ABI3BP: variants seen among roughly 807,000 people sequenced by gnomAD.
The protein encoded by ABI3BP is target of Nesh-SH3.
Under a neutral mutation model 268.6 loss-of-function variants are expected in ABI3BP, and 216 were observed. The ratio of observed to expected loss-of-function variants is 0.80; its 90% confidence interval spans 0.72 to 0.90. The LOEUF (loss-of-function observed/expected upper bound fraction) is 0.90, where lower values mean the gene tolerates loss of function less well. ABI3BP is among the 40% of genes least tolerant of loss of function. The pLI is 0.00. For missense variants in ABI3BP, 2,090 were observed against 2,182.4 expected (o/e 0.96, Z 0.84); for synonymous variants, 730 against 730.0 (o/e 1.00, Z 0.00).
intron 28 of ABI3BP, 82 bp from the exon 29 acceptor site, chr3:100,834,855 A>G: frequency 7.8e-7 from 1 of 1,287,286 alleles, no homozygotes; most frequent in Non-Finnish European, 1.1e-6. Flanking sequence ...GGTTTTCTAA[A>G]GTTTTCCTAA....
At position 100,831,084 on chromosome 3, in the gene ABI3BP, C is replaced by T. The variant is rs181968798; in HGVS notation, c.2402-450G>A. ...AAGCAAACACAGTGTAGCAGAGAGC[C>T]CCTATGGTGATCCCCAGTGGTTTCT... On this transcript the variant is annotated intron_variant, in intron 31 of 67. Transcript: ENST00000471714. Among the ~76,000 whole-genome samples the T allele has an allele frequency of 6.9e-3, 1,053 of 152,246 alleles. 5 individuals carry two copies. The highest frequency in any genetic ancestry group is 0.011 in the Non-Finnish European group (775 of 68,026).
At chr3:100,765,106 G>GA (rs33912702) in intron 63 of ABI3BP, among the ~76,000 whole-genome samples, 48,073 of 143,578 alleles carry the variant, frequency 0.33, 8,174 homozygotes, top group African/African-American at 0.39. Flanking sequence ...TGAACATTAT[G>GA]AAAAAAAAAA....
chr3:100,805,565 T>C (rs1394853480), intron 50 of ABI3BP, among the ~76,000 whole-genome samples: 12 of 152,076 alleles, frequency 7.9e-5, no homozygotes, highest in African/African-American at 2.9e-4. Context: ...AGTCTCACCA[T>C]AATGTTGGGA....
chr3:100,894,970 G>GA lies in ABI3BP; in HGVS notation c.461+3791dup, dbSNP rs567268534. On this transcript the variant is annotated intron_variant, in intron 4 of 67. Transcript: ENST00000471714. ...AAAAAAAAAAAAAAAAAAAAAAACA[G>GA]AAAAAAAAAACACAAGATGAGAATG... is the stretch of plus-strand genomic sequence containing the variant. Among the ~76,000 whole-genome samples the GA allele has an allele frequency of 5.3e-3, 307 of 58,422 alleles. 3 individuals carry two copies. Among genetic ancestry groups the GA allele is most frequent in the Middle Eastern group, 0.012 (1 of 86 alleles). The allele number at this position is 58,422 out of a possible 152,430, so 38.3% of individuals were successfully genotyped here.
chr3:100,842,353 G>A (rs1474560436), intron 20 of ABI3BP, among the ~76,000 whole-genome samples: 2 of 152,132 alleles, frequency 1.3e-5, no homozygotes. Context: ...CCTGTCACCT[G>A]ATATTTGTTT....
chr3:100,927,689 G>C (rs1280572714), intron 1 of ABI3BP, among the ~76,000 whole-genome samples: 1 of 152,076 alleles, frequency 6.6e-6, no homozygotes, highest in East Asian at 1.9e-4. Flanking sequence ...TCTATCACTA[G>C]GGGGAGGTTG....
At chr3:100,839,903 T>C (rs528169186) in intron 23 of ABI3BP, among the ~76,000 whole-genome samples, 169 bp downstream of exon 23, 13 of 152,210 alleles carry the variant, frequency 8.5e-5, no homozygotes, top group African/African-American at 2.4e-4. Flanking sequence ...AAACATATTA[T>C]ATAAAATATT....
chr3:100,955,865 A>C (rs978051912), intron 1 of ABI3BP, among the ~76,000 whole-genome samples: 1 of 152,200 alleles, frequency 6.6e-6, no homozygotes, highest in Admixed American at 6.5e-5. Context: ...TAGTGAGAAG[A>C]GATAAATAAA....
rs544753233 is a variant in ABI3BP, at chr3:100,956,113, C to T, written c.80-29632G>A. Among the ~76,000 whole-genome samples, 10 of 151,374 alleles carry T rather than the reference C, an allele frequency of 6.6e-5. No individual in the cohort carries two copies. In the East Asian group the frequency reaches 1.6e-3, roughly 24 times the overall value. On this transcript the variant is annotated intron_variant, in intron 1 of 67. Transcript: ENST00000471714. Reference sequence around the variant, plus strand: ...TGAGGCAGGGAGAATTGCTTGAACCCGGGAAGTGGAGGTTGCAGTAAGCTG... The same window carrying T: ...TGAGGCAGGGAGAATTGCTTGAACCTGGGAAGTGGAGGTTGCAGTAAGCTG...
chr3:100,966,925 C>A (rs780017972), intron 1 of ABI3BP, among the ~76,000 whole-genome samples: 4 of 151,620 alleles, frequency 2.6e-5, no homozygotes, highest in Non-Finnish European at 4.4e-5. Context: ...TTTTAAAGCG[C>A]TAGAATTTGT....
At chr3:100,816,639 C>T (rs907008495) in intron 43 of ABI3BP, 49 bp downstream of exon 43, 16 of 1,426,616 alleles carry the variant, frequency 1.1e-5, no homozygotes, top group African/African-American at 2.8e-5. Context: ...GGACAGCCTG[C>T]CAGGGTTCAG....
In ABI3BP at chr3:100,835,626, T is replaced by C. The variant is rs1385741044; in HGVS notation, c.2166A>G (p.Arg722=). Residue 722 remains arginine, a synonymous_variant, in exon 28 of 68, where the codon AGA becomes AGG. Transcript: ENST00000471714. ...CTAATGTTGTCACTGTAGCCTCAGT[T>C]CTCACAGTTACAGGCTCAATGTCTG... The part of the protein sequence containing the change: ...PTTDIEPVTV[R]TEATVTTLAP... The C allele has an allele frequency of 2.6e-6, 4 of 1,535,222 alleles. No individual in the cohort carries two copies. The highest frequency in any genetic ancestry group is 3.5e-6 in the Non-Finnish European group (4 of 1,146,384).
chr3:100,825,724 G>A, intron 35 of ABI3BP, 61 bp downstream of exon 35: 1 of 1,288,250 alleles, frequency 7.8e-7, no homozygotes, highest in South Asian at 1.3e-5. Context: ...AAGACTGAAT[G>A]GACTGTACAA....
At chr3:100,987,330 T>C (rs1290565066) in intron 1 of ABI3BP, among the ~76,000 whole-genome samples, 1 of 152,222 alleles carries the variant, frequency 6.6e-6, no homozygotes, top group Non-Finnish European at 1.5e-5. Flanking sequence ...TATAATATTA[T>C]ATTGATGAAT....
At chr3:100,853,925 C>A (rs1479765142) in intron 14 of ABI3BP, among the ~76,000 whole-genome samples, 4 of 152,108 alleles carry the variant, frequency 2.6e-5, no homozygotes, top group Non-Finnish European at 4.4e-5. Context: ...TCTGTAGTTT[C>A]CATGAGTTGG....
chr3:100,766,041 A>C, intron 62 of ABI3BP, 92 bp from the exon 63 acceptor site: 1 of 888,324 alleles, frequency 1.1e-6, no homozygotes, highest in Non-Finnish European at 1.8e-6. Flanking sequence ...AGCCACTTAC[A>C]TAAAGTAAGC....
chr3:100,858,336 G>A (rs2153109105), intron 14 of ABI3BP, among the ~76,000 whole-genome samples: 1 of 152,282 alleles, frequency 6.6e-6, no homozygotes, highest in African/African-American at 2.4e-5. Context: ...CAGCACTAAT[G>A]ACAGATCAGG....
chr3:100,847,743 C>A (rs1327463078), intron 18 of ABI3BP, 70 bp from the exon 19 acceptor site: 12 of 1,256,370 alleles, frequency 9.6e-6, no homozygotes, highest in Non-Finnish European at 1.3e-5. Context: ...TAAAGAGGAA[C>A]TAAATGATCC....
intron 1 of ABI3BP, among the ~76,000 whole-genome samples, chr3:100,976,401 C>T (rs2086229102): frequency 6.6e-6 from 1 of 152,050 alleles, no homozygotes; most frequent in East Asian, 1.9e-4. Flanking sequence ...TCCCAATTCT[C>T]CTAAGAAAAA....
Sources: gnomAD v4.1 joint callset for allele counts (sites outside exome capture counted in the v4.1 genomes callset) on GRCh38, gnomAD v4.1.1 for gene constraint, MANE v1.5 for transcripts, NCBI Gene and HGNC (gene_info 2026-07-23, HGNC 2026-07-21) for gene names.